Variants in CDH7 observed in about 807,000 individuals in gnomAD.
CDH7 encodes the protein cadherin-7.
Under a neutral mutation model 71.8 loss-of-function variants are expected in CDH7, and 25 were observed. That is an observed-to-expected ratio of 0.35 (90% CI 0.25 to 0.49). The LOEUF (loss-of-function observed/expected upper bound fraction) is 0.49. Among genes scored for constraint, CDH7 ranks in the 20% least tolerant of loss-of-function variants. CDH7 has a pLI of 0.99. For synonymous variants in CDH7, 381 were observed against 363.8 expected, an observed-to-expected ratio of 1.05 and a Z score of -0.54; for missense variants, 862 against 974.6, an observed-to-expected ratio of 0.88 and a Z score of 1.54.
chr18:65,774,144 G>A (rs2143812951), intron 2 of CDH7, among the ~76,000 whole-genome samples: 1 of 151,486 alleles, frequency 6.6e-6, no homozygotes. Context: ...GTTGATATTG[G>A]CATAAATTCT....
At chr18:65,858,133 A>G (rs1049865650) in intron 8 of CDH7, among the ~76,000 whole-genome samples, 181 bp downstream of exon 8, 1 of 152,118 alleles carries the variant, frequency 6.6e-6, no homozygotes, top group Non-Finnish European at 1.5e-5. Flanking sequence ...CTATGATAAT[A>G]TTTACAAAAT....
Position 65,857,319 on chromosome 18 carries a change from TAA to T in CDH7, c.1236-496_1236-495del, listed in dbSNP as rs1913396670. 1.4e-3 allele frequency among the ~76,000 whole-genome samples: 4 copies of T among 2,920 alleles called. No individual in the cohort carries two copies. In the Admixed American group the frequency reaches 0.016, roughly 12 times the overall value. 1.9% of individuals were successfully genotyped at this position (2,920 alleles called of 152,430 possible). A position where few individuals can be genotyped will look rare whatever the true frequency, so the allele number is the denominator to read the frequency against. On this transcript the variant is annotated intron_variant, in intron 7 of 11. Transcript: ENST00000397968. ...GGAATATAGCAAGACCCTGCATCTA[TAA>T]TAATAATAATAATAATAATAATAAT... is the stretch of plus-strand genomic sequence containing the variant.
chr18:65,782,466 A>C (rs560390737), intron 2 of CDH7, among the ~76,000 whole-genome samples: 1 of 152,118 alleles, frequency 6.6e-6, no homozygotes, highest in South Asian at 2.1e-4. Flanking sequence ...CCGGATTTCT[A>C]TTTGTAGATA....
At position 65,885,772 on chromosome 18, in the gene CDH7, T is replaced by C. The variant is rs1914361555; in HGVS notation, c.*4878T>C. 6.6e-6 allele frequency: 1 copy of C among 152,124 alleles called. No individual in the cohort carries two copies. The highest frequency in any genetic ancestry group is 1.5e-5 in the Non-Finnish European group (1 of 68,014). 9.4% of individuals were successfully genotyped at this position (152,124 alleles called of 1,614,324 possible). On this transcript the variant is annotated 3_prime_UTR_variant, in exon 12 of 12. Coordinates refer to ENST00000397968, the MANE Select transcript of CDH7 (RefSeq NM_004361.5). ...CCTGGTTAATGCTGGCGTATTGTTGTCACCTGCCAAGTGACTGTTAGGCAA... is the reference window on the plus strand; with the variant it reads ...CCTGGTTAATGCTGGCGTATTGTTGCCACCTGCCAAGTGACTGTTAGGCAA...
intron 2 of CDH7, among the ~76,000 whole-genome samples, chr18:65,778,505 AT>A (rs1910043537): frequency 8.0e-6 from 1 of 124,504 alleles, no homozygotes. Flanking sequence ...ACCTTTTAAA[AT>A]TTTTTGCCCC....
intron 6 of CDH7, among the ~76,000 whole-genome samples, chr18:65,830,609 TCCTTC>T (rs1912306843): frequency 7.7e-5 from 2 of 26,026 alleles, no homozygotes; most frequent in African/African-American, 9.4e-5. Flanking sequence ...CCCTTCCCTT[TCCTTC>T]CCTTCCCTTC....
At chr18:65,801,064 A>G (rs952034872) in intron 2 of CDH7, among the ~76,000 whole-genome samples, 1 of 152,122 alleles carries the variant, frequency 6.6e-6, no homozygotes, top group African/African-American at 2.4e-5. Flanking sequence ...TATTTGTTCA[A>G]CTTTCTACAC....
chr18:65,801,901 C>T (rs1055957878), intron 2 of CDH7, among the ~76,000 whole-genome samples: 2 of 152,200 alleles, frequency 1.3e-5, no homozygotes, highest in Non-Finnish European at 2.9e-5. Flanking sequence ...CAGTGTAGTG[C>T]AGACAACTCC....
At chr18:65,861,963 G>T (rs142573896) in intron 10 of CDH7, among the ~76,000 whole-genome samples, 1,572 of 151,982 alleles carry the variant, frequency 0.01, 13 homozygotes, top group Non-Finnish European at 0.016. Context: ...ACATATTTTT[G>T]ATATATAAAT....
chr18:65,846,869 A>G (rs1191111608), intron 7 of CDH7, among the ~76,000 whole-genome samples: 1 of 152,182 alleles, frequency 6.6e-6, no homozygotes, highest in Non-Finnish European at 1.5e-5. Flanking sequence ...ACTGTGAATC[A>G]TGACTTGAAT....
intron 2 of CDH7, among the ~76,000 whole-genome samples, chr18:65,790,976 A>G (rs1015036625): frequency 8.5e-5 from 13 of 152,246 alleles, no homozygotes; most frequent in Admixed American, 5.2e-4. Context: ...GTAAGGGTAC[A>G]TTATTTAGAC....
At chr18:65,863,026 G>A (rs1226075738) in intron 11 of CDH7, 109 bp downstream of exon 11, 3 of 1,230,072 alleles carry the variant, frequency 2.4e-6, no homozygotes, top group Non-Finnish European at 2.3e-6. Context: ...TATTCTACTG[G>A]ATGGTGTTTG....
At chr18:65,836,035 G>A (rs1912521367) in intron 6 of CDH7, among the ~76,000 whole-genome samples, 2 of 152,124 alleles carry the variant, frequency 1.3e-5, no homozygotes, top group South Asian at 2.1e-4. Context: ...TTGGAGTGAT[G>A]CACTTTGAAG....
intron 2 of CDH7, among the ~76,000 whole-genome samples, chr18:65,804,483 G>A (rs1401829206): frequency 1.3e-5 from 2 of 152,068 alleles, no homozygotes; most frequent in Admixed American, 1.3e-4. Context: ...TTTTATTTAA[G>A]CAGATGGATT....
At chr18:65,839,228 A>G (rs758954676) in intron 6 of CDH7, among the ~76,000 whole-genome samples, 21 of 152,316 alleles carry the variant, frequency 1.4e-4, no homozygotes, top group Non-Finnish European at 2.9e-4. Context: ...GGCTACTATA[A>G]CAGAAATATA....
intron 2 of CDH7, among the ~76,000 whole-genome samples, chr18:65,802,721 C>T (rs565848924): frequency 3.3e-4 from 50 of 152,216 alleles, no homozygotes; most frequent in East Asian, 9.7e-4. Flanking sequence ...ATTAAGAATT[C>T]GACTGTAGGC....
At position 65,889,509 on chromosome 18, in the gene CDH7, A is replaced by G. The variant is rs1422862745; in HGVS notation, c.*8615A>G. ...AGTAGTCAAAAATGACCAAACACAG[A>G]CGATAACCCACCATGAAGGAGATGG... On this transcript the variant is annotated 3_prime_UTR_variant, in exon 12 of 12. Transcript: ENST00000397968. The G allele has an allele frequency of 1.3e-5, 2 of 152,194 alleles. No homozygotes were observed. Among genetic ancestry groups the G allele is most frequent in the Non-Finnish European group, 2.9e-5 (2 of 68,038 alleles). The allele number at this position is 152,194 out of a possible 1,614,324, so 9.4% of individuals were successfully genotyped here.
intron 6 of CDH7, among the ~76,000 whole-genome samples, chr18:65,841,259 C>G (rs915976296): frequency 6.6e-6 from 1 of 151,920 alleles, no homozygotes; most frequent in African/African-American, 2.4e-5. Flanking sequence ...TCATGTTGCT[C>G]CTTTTAGATA....
Position 65,854,948 on chromosome 18 carries a change from T to TAC in CDH7, c.1236-2852_1236-2851dup, listed in dbSNP as rs1234726005. On this transcript the variant is annotated intron_variant, in intron 7 of 11. Coordinates refer to ENST00000397968, the MANE Select transcript of CDH7 (RefSeq NM_004361.5). ...ATATATATATACACACACATATATA[T>TAC]ACACACACACACACACATAGATACA... 3.3e-3 allele frequency among the ~76,000 whole-genome samples: 497 copies of TAC among 150,350 alleles called. 5 individuals carry two copies. The highest frequency in any genetic ancestry group is 7.1e-3 in the South Asian group (34 of 4,772).
Sources: allele counts gnomAD v4.1 joint callset (sites outside exome capture counted in the v4.1 genomes callset), GRCh38; gene constraint gnomAD v4.1.1; transcripts MANE v1.5; gene names NCBI Gene and HGNC (gene_info 2026-07-23, HGNC 2026-07-21).